The following VEPH1 variants were observed in gnomAD, a reference collection of about 807,000 sequenced individuals.
The protein encoded by VEPH1 is ventricular zone-expressed PH domain-containing protein homolog 1.
VEPH1 carries 80 observed loss-of-function variants against 85.2 expected under a neutral mutation model. The observed-to-expected ratio is 0.94, with a 90% confidence interval of 0.78 to 1.13. VEPH1 has a LOEUF of 1.13. VEPH1 is among the 50% of genes most tolerant of loss of function. The probability of loss-of-function intolerance (pLI) is 0.00; values close to 1 mark genes in which losing one functional copy is unlikely to be tolerated. For synonymous variants in VEPH1, 297 were observed against 348.0 expected (o/e 0.85, Z 1.63); for missense variants, 955 against 980.5 (o/e 0.97, Z 0.35).
At chr3:157,479,689 C>G (rs1737835388) in intron 2 of VEPH1, among the ~76,000 whole-genome samples, 1 of 152,170 alleles carries the variant, frequency 6.6e-6, no homozygotes, top group Admixed American at 6.5e-5. Context: ...ATCAGAATGC[C>G]CATGCTAAGG....
intron 2 of VEPH1, among the ~76,000 whole-genome samples, chr3:157,488,291 C>T (rs538532259): frequency 6.6e-6 from 1 of 152,056 alleles, no homozygotes; most frequent in Non-Finnish European, 1.5e-5. Flanking sequence ...AAACTAACTC[C>T]AATCTGGCTT....
intron 13 of VEPH1, among the ~76,000 whole-genome samples, chr3:157,261,655 G>A (rs1056627598): frequency 6.6e-6 from 1 of 152,060 alleles, no homozygotes; most frequent in Admixed American, 6.6e-5. Context: ...TTCTATTAAC[G>A]TTATATTAAT....
chr3:157,416,003 T>A (rs1731883179), intron 5 of VEPH1, among the ~76,000 whole-genome samples: 1 of 152,146 alleles, frequency 6.6e-6, no homozygotes, highest in African/African-American at 2.4e-5. Context: ...GCTTCCTTCT[T>A]ACTGCTGCTC....
At chr3:157,489,979 A>C (rs955825531) in intron 2 of VEPH1, among the ~76,000 whole-genome samples, 1 of 151,950 alleles carries the variant, frequency 6.6e-6, no homozygotes, top group Admixed American at 6.6e-5. Flanking sequence ...AATATAAAAC[A>C]CTTATACATT....
chr3:157,261,205 G>A lies in VEPH1; in HGVS notation c.2431C>T (p.Leu811Phe). ...AKDEKNAEEW[L>F]QCINVAVAQA... The stretch of plus-strand genomic sequence containing the variant: ...GCAACTGCCACGTTGATGCACTGGA[G>A]CCATTCTTCTGCATTCTTCTCATCC... Residue 811 changes from leucine to phenylalanine, a missense_variant, in exon 14 of 14, where the codon CTC becomes TTC. Transcript: ENST00000362010. The A allele has an allele frequency of 3.1e-6, 5 of 1,613,790 alleles. No homozygotes were observed. Among genetic ancestry groups the A allele is most frequent in the Non-Finnish European group, 4.2e-6 (5 of 1,179,790 alleles).
chr3:157,337,788 G>A (rs1393354885), intron 9 of VEPH1, among the ~76,000 whole-genome samples: 2 of 152,130 alleles, frequency 1.3e-5, no homozygotes, highest in Admixed American at 6.6e-5. Context: ...CCTTCTGAGG[G>A]ATAAAATGAT....
intron 11 of VEPH1, among the ~76,000 whole-genome samples, chr3:157,310,685 A>C (rs886551518): frequency 6.6e-6 from 1 of 152,226 alleles, no homozygotes; most frequent in Non-Finnish European, 1.5e-5. Context: ...GTGGCTCAGA[A>C]TTCCAGGCTG....
chr3:157,368,674 G>A (rs989283955), intron 7 of VEPH1, among the ~76,000 whole-genome samples: 2 of 151,812 alleles, frequency 1.3e-5, no homozygotes, highest in African/African-American at 2.4e-5. Flanking sequence ...TGTATTTTTC[G>A]TAGAGATGGG....
At chr3:157,394,968 C>T (rs1367392992) in intron 6 of VEPH1, among the ~76,000 whole-genome samples, 1 of 152,006 alleles carries the variant, frequency 6.6e-6, no homozygotes, top group Non-Finnish European at 1.5e-5. Flanking sequence ...CCTAGCCCTG[C>T]AAAGTATTGT....
rs553207211 is a variant in VEPH1, at chr3:157,280,537, T to G, written c.2128+6020A>C. Among the ~76,000 whole-genome samples the G allele has an allele frequency of 2.6e-4, 40 of 152,324 alleles. 1 individual carries two copies. The highest frequency in any genetic ancestry group is 9.6e-4 in the African/African-American group (40 of 41,576). On this transcript the variant is annotated intron_variant, in intron 12 of 13. Transcript: ENST00000362010. ...GGGGTGTTAGGTTACTGATCTTAGC[T>G]TGTTTCTCTTCAAGATTTACAAGTT...
chr3:157,400,052 A>G (rs1457251635), intron 6 of VEPH1, among the ~76,000 whole-genome samples: 1 of 152,122 alleles, frequency 6.6e-6, no homozygotes, highest in African/African-American at 2.4e-5. Flanking sequence ...ATATTTACAT[A>G]TTTTAAATGA....
intron 7 of VEPH1, among the ~76,000 whole-genome samples, chr3:157,377,399 T>G (rs1377598381): frequency 1.3e-5 from 2 of 152,196 alleles, no homozygotes; most frequent in African/African-American, 4.8e-5. Flanking sequence ...GGACCTTATT[T>G]TTTCTTCCTA....
chr3:157,354,546 C>T (rs1374721838), intron 9 of VEPH1, among the ~76,000 whole-genome samples: 1 of 152,122 alleles, frequency 6.6e-6, no homozygotes, highest in Non-Finnish European at 1.5e-5. Context: ...TCTCCTTATT[C>T]ATGTCTCCAT....
chr3:157,344,624 C>A (rs895891491), intron 9 of VEPH1, among the ~76,000 whole-genome samples: 1 of 152,136 alleles, frequency 6.6e-6, no homozygotes, highest in African/African-American at 2.4e-5. Flanking sequence ...AGATCCAGTG[C>A]CATCCCCATC....
chr3:157,481,272 T>C (rs1490374825), intron 2 of VEPH1, among the ~76,000 whole-genome samples: 1 of 152,022 alleles, frequency 6.6e-6, no homozygotes, highest in African/African-American at 2.4e-5. Flanking sequence ...TGATAGTTTC[T>C]TTTGCTGTGC....
chr3:157,409,448 G>C (rs1731373230), intron 6 of VEPH1, among the ~76,000 whole-genome samples: 1 of 152,054 alleles, frequency 6.6e-6, no homozygotes, highest in African/African-American at 2.4e-5. Context: ...CTCTACCCTG[G>C]AAGTGTTCTG....
chr3:157,357,546 G>A (rs1225582230), intron 9 of VEPH1, among the ~76,000 whole-genome samples: 1 of 151,530 alleles, frequency 6.6e-6, no homozygotes, highest in Non-Finnish European at 1.5e-5. Flanking sequence ...AGGCTGGAGT[G>A]CAGCAGTGTG....
chr3:157,294,603 T>C (rs1717904658), intron 11 of VEPH1, among the ~76,000 whole-genome samples: 1 of 152,230 alleles, frequency 6.6e-6, no homozygotes, highest in Non-Finnish European at 1.5e-5. Flanking sequence ...ACTTACACAA[T>C]GATGTAATGA....
At chr3:157,342,504 C>A (rs993708361) in intron 9 of VEPH1, among the ~76,000 whole-genome samples, 1 of 152,228 alleles carries the variant, frequency 6.6e-6, no homozygotes, top group Admixed American at 6.5e-5. Context: ...GCATCCAATA[C>A]ATGAGCACTC....
Sources: gnomAD v4.1 joint callset for allele counts (sites outside exome capture counted in the v4.1 genomes callset) on GRCh38, gnomAD v4.1.1 for gene constraint, MANE v1.5 for transcripts, NCBI Gene and HGNC (gene_info 2026-07-23, HGNC 2026-07-21) for gene names.